PARN: variants seen among roughly 807,000 people sequenced by gnomAD.
PARN encodes poly(A)-specific ribonuclease PARN.
PARN carries 71 observed loss-of-function variants against 102.8 expected under a neutral mutation model. The ratio of observed to expected loss-of-function variants is 0.69; its 90% confidence interval spans 0.57 to 0.84. The LOEUF (loss-of-function observed/expected upper bound fraction) is 0.84, where lower values mean the gene tolerates loss of function less well. Among genes scored for constraint, PARN ranks in the 40% least tolerant of loss-of-function variants. The probability of loss-of-function intolerance (pLI) is 0.00; values close to 1 mark genes in which losing one functional copy is unlikely to be tolerated. For synonymous variants in PARN, 261 were observed against 252.9 expected, an observed-to-expected ratio of 1.03 and a Z score of -0.30; for missense variants, 782 against 760.9, an observed-to-expected ratio of 1.03 and a Z score of -0.33.
intron 21 of PARN, among the ~76,000 whole-genome samples, chr16:14,528,032 A>C (rs1966101033): frequency 6.6e-6 from 1 of 152,218 alleles, no homozygotes; most frequent in Non-Finnish European, 1.5e-5. Context: ...GGTTACAAAA[A>C]ATTGAATATC....
chr16:14,614,783 G>C (rs2151803412), intron 6 of PARN, among the ~76,000 whole-genome samples: 1 of 144,682 alleles, frequency 6.9e-6, no homozygotes, highest in South Asian at 2.3e-4. Flanking sequence ...AGGAGGCAGA[G>C]GTGGTGGTGA....
chr16:14,623,371 G>A (rs1972439675), intron 5 of PARN, among the ~76,000 whole-genome samples: 1 of 151,790 alleles, frequency 6.6e-6, no homozygotes, highest in Non-Finnish European at 1.5e-5. Context: ...AAAATTAGCT[G>A]GGCGTGTTAG....
chr16:14,451,148 C>T (rs1225026668), intron 22 of PARN, among the ~76,000 whole-genome samples: 2 of 152,138 alleles, frequency 1.3e-5, no homozygotes, highest in Non-Finnish European at 2.9e-5. Context: ...CCCACATGCC[C>T]GTCATCCCAC....
intron 18 of PARN, among the ~76,000 whole-genome samples, chr16:14,572,524 T>C (rs562722777): frequency 6.6e-6 from 1 of 152,334 alleles, no homozygotes; most frequent in East Asian, 1.9e-4. Flanking sequence ...TGCTTTTATT[T>C]CAGGCACCAC....
At chr16:14,619,696 G>A (rs1972167349) in intron 5 of PARN, among the ~76,000 whole-genome samples, 1 of 151,932 alleles carries the variant, frequency 6.6e-6, no homozygotes, top group Admixed American at 6.6e-5. Flanking sequence ...TTCAGCCCAG[G>A]AGTTCAAGTC....
chr16:14,543,679 A>G (rs1966854912), intron 21 of PARN, among the ~76,000 whole-genome samples: 1 of 152,220 alleles, frequency 6.6e-6, no homozygotes, highest in South Asian at 2.1e-4. Flanking sequence ...AAAATAATGC[A>G]AAAAGATAAA....
chr16:14,513,387 G>A lies in PARN; in HGVS notation c.1481-30560C>T, dbSNP rs116413752. 2.9e-3 allele frequency among the ~76,000 whole-genome samples: 444 copies of A among 152,182 alleles called. 7 individuals carry two copies. Among genetic ancestry groups the A allele is most frequent in the African/African-American group, 0.01 (432 of 41,512 alleles). On this transcript the variant is annotated intron_variant, in intron 21 of 23. Coordinates refer to ENST00000437198, the MANE Select transcript of PARN (RefSeq NM_002582.4). ...TCTCTCAAACCATTTTGAAGCCATG[G>A]CCCATGGATTCTACCAGTAATGATT...
intron 18 of PARN, among the ~76,000 whole-genome samples, chr16:14,573,572 T>C (rs1968935923): frequency 6.6e-6 from 1 of 152,216 alleles, no homozygotes; most frequent in South Asian, 2.1e-4. Context: ...CCTTATAACC[T>C]CGACGGAAGA....
intron 21 of PARN, among the ~76,000 whole-genome samples, chr16:14,537,365 A>G (rs938901228): frequency 6.6e-6 from 1 of 152,212 alleles, no homozygotes; most frequent in Non-Finnish European, 1.5e-5. Flanking sequence ...GATGGCTACT[A>G]TGAAAGACAG....
At chr16:14,628,943 T>C (rs1482943323) in intron 2 of PARN, among the ~76,000 whole-genome samples, 2 of 152,238 alleles carry the variant, frequency 1.3e-5, no homozygotes. Flanking sequence ...GTATTTCCTG[T>C]ATACACACCT....
intron 21 of PARN, among the ~76,000 whole-genome samples, chr16:14,524,835 T>C (rs1040987090): frequency 1.3e-5 from 2 of 152,212 alleles, no homozygotes; most frequent in Non-Finnish European, 2.9e-5. Context: ...ACTAAATCTT[T>C]CTATTACCAG....
chr16:14,529,386 A>G (rs1966193551), intron 21 of PARN, among the ~76,000 whole-genome samples: 1 of 152,234 alleles, frequency 6.6e-6, no homozygotes, highest in African/African-American at 2.4e-5. Flanking sequence ...ATGGATGGCA[A>G]AGTTGAAAAT....
At chr16:14,546,911 G>T (rs1966977706) in intron 21 of PARN, among the ~76,000 whole-genome samples, 1 of 152,002 alleles carries the variant, frequency 6.6e-6, no homozygotes, top group Non-Finnish European at 1.5e-5. Flanking sequence ...TGACCAACAT[G>T]GTGAACCCTC....
At chr16:14,478,354 A>G (rs1963187797) in intron 22 of PARN, among the ~76,000 whole-genome samples, 1 of 152,152 alleles carries the variant, frequency 6.6e-6, no homozygotes, top group Non-Finnish European at 1.5e-5. Context: ...CCCATAAGAC[A>G]AGTTTTAAAG....
rs368819286 is a variant in PARN at position 14,600,324 on chromosome 16, T to A, written c.784-364A>T. 2.0e-5 allele frequency among the ~76,000 whole-genome samples: 3 copies of A among 152,332 alleles called. No homozygotes were observed. The East Asian group carries it at 5.8e-4, about 29-fold the overall frequency. On this transcript the variant is annotated intron_variant, in intron 11 of 23. Coordinates refer to ENST00000437198, the MANE Select transcript of PARN (RefSeq NM_002582.4). Reference sequence around the variant, plus strand: ...AGGCTAAACTCAGTAACACATTCAATTCTGAGGAAACCCATCTGGCAGTTA... The same window carrying A: ...AGGCTAAACTCAGTAACACATTCAAATCTGAGGAAACCCATCTGGCAGTTA...
chr16:14,617,665 A>G lies in PARN; in HGVS notation c.328-15T>C. Reference sequence around the variant, plus strand: ...ATGCTGGAGCTCTGAAACAGAGTAAACAGAACACATGTTTTGGGGATGTTA... The same window carrying G: ...ATGCTGGAGCTCTGAAACAGAGTAAGCAGAACACATGTTTTGGGGATGTTA... On this transcript the variant is annotated splice_polypyrimidine_tract_variant and intron_variant, in intron 5 of 23. Coordinates refer to ENST00000437198, the MANE Select transcript of PARN (RefSeq NM_002582.4). 6.5e-7 allele frequency: 1 copy of G among 1,530,636 alleles called. No homozygotes were observed. Among genetic ancestry groups the G allele is most frequent in the South Asian group, 1.1e-5 (1 of 89,348 alleles). 94.8% of individuals were successfully genotyped at this position (1,530,636 alleles called of 1,614,324 possible). A position where few individuals can be genotyped will look rare whatever the true frequency, so the allele number is the denominator to read the frequency against.
At chr16:14,519,800 C>G (rs934458431) in intron 21 of PARN, among the ~76,000 whole-genome samples, 2 of 152,000 alleles carry the variant, frequency 1.3e-5, no homozygotes, top group African/African-American at 4.8e-5. Context: ...CAATTGCCAA[C>G]CACATAGCAG....
At chr16:14,534,988 C>A (rs1009526993) in intron 21 of PARN, among the ~76,000 whole-genome samples, 3 of 152,088 alleles carry the variant, frequency 2.0e-5, no homozygotes, top group African/African-American at 7.2e-5. Context: ...GCATGTGCCA[C>A]CATGCCCGGC....
chr16:14,572,170 C>G (rs1325418729), intron 18 of PARN, among the ~76,000 whole-genome samples: 1 of 152,114 alleles, frequency 6.6e-6, no homozygotes, highest in Non-Finnish European at 1.5e-5. Context: ...GGCTTCCCTG[C>G]AGGTGATCAG....
Sources: allele counts gnomAD v4.1 joint callset (sites outside exome capture counted in the v4.1 genomes callset), GRCh38; gene constraint gnomAD v4.1.1; transcripts MANE v1.5; gene names NCBI Gene and HGNC (gene_info 2026-07-23, HGNC 2026-07-21).